EML6: variants seen among roughly 807,000 people sequenced by gnomAD.
The protein encoded by EML6 is echinoderm microtubule-associated protein-like 6.
In EML6, 154 loss-of-function variants were observed where a neutral mutation model predicts 240.1. The ratio of observed to expected loss-of-function variants is 0.64; its 90% confidence interval spans 0.56 to 0.73. EML6 has a LOEUF of 0.73. Among genes scored for constraint, EML6 ranks in the 30% least tolerant of loss-of-function variants. The probability of loss-of-function intolerance (pLI) is 0.00; values close to 1 mark genes in which losing one functional copy is unlikely to be tolerated. For synonymous variants in EML6, 1,148 were observed against 899.0 expected, an observed-to-expected ratio of 1.28 and a Z score of -4.95; for missense variants, 2,964 against 2,474.6, an observed-to-expected ratio of 1.20 and a Z score of -4.20.
At chr2:54,744,989 G>C (rs1481335028) in intron 2 of EML6, among the ~76,000 whole-genome samples, 1 of 150,668 alleles carries the variant, frequency 6.6e-6, no homozygotes, top group Non-Finnish European at 1.5e-5. Flanking sequence ...TTCCCAGTGA[G>C]GGAGTGAGGG....
chr2:54,870,571 C>T (rs1341432422), intron 15 of EML6, among the ~76,000 whole-genome samples: 1 of 152,202 alleles, frequency 6.6e-6, no homozygotes, highest in Non-Finnish European at 1.5e-5. Flanking sequence ...TAAGGTTTTA[C>T]AAGTAATTGA....
At chr2:54,869,132 C>A (rs372801157) in intron 14 of EML6, 49 bp from the exon 15 acceptor site, 2 of 1,292,514 alleles carry the variant, frequency 1.5e-6, no homozygotes, top group African/African-American at 1.5e-5. Flanking sequence ...CTGCTCCATG[C>A]ATTTGCTGTT....
rs186462959 is a variant in EML6, at chr2:54,737,303, G to C, written c.197+12045G>C. On this transcript the variant is annotated intron_variant, in intron 2 of 41. Transcript: ENST00000356458. ...ATAATAATGCATATGTTTTCTTTTT[G>C]TTTTTGTTTTTTTAAGATGGAGTCT... 3.3e-5 allele frequency among the ~76,000 whole-genome samples: 5 copies of C among 152,152 alleles called. No homozygotes were observed. The East Asian group carries it at 7.7e-4, about 24-fold the overall frequency.
chr2:54,896,661 C>T (rs1672787399), intron 21 of EML6, among the ~76,000 whole-genome samples: 1 of 152,146 alleles, frequency 6.6e-6, no homozygotes, highest in Non-Finnish European at 1.5e-5. Context: ...TCCAAGATTC[C>T]AGTGCAGGAG....
chr2:54,948,945 A>G lies in EML6; in HGVS notation c.4068A>G (p.Lys1356=). ...EKLQKNNITK[K]KKLVEELALD... ...TGCAGAAGAACAATATCACCAAAAA[A>G]AAGAAACTGGTTGAGGTGAGTTAAA... The change falls in exon 29 of 42, where the codon AAA becomes AAG. Residue 1356 remains lysine (K), a synonymous_variant. Transcript: ENST00000356458. 6.4e-7 allele frequency: 1 copy of G among 1,551,068 alleles called. No individual in the cohort carries two copies. Among genetic ancestry groups the G allele is most frequent in the East Asian group, 2.4e-5 (1 of 40,916 alleles).
Position 54,961,184 on chromosome 2 carries a change from G to GTTGTTTTTTTTTTTT in EML6, c.4968+852_4968+853insGTTTTTTTTTTTTTT. On this transcript the variant is annotated intron_variant, in intron 35 of 41. Coordinates refer to ENST00000356458, the MANE Select transcript of EML6 (RefSeq NM_001039753.4). ...GGAGCCTGGAAGTTATCAGGAAGTA[G>GTTGTTTTTTTTTTTT]TTTTTTTTTTTTTTTTTTTGAGACG... 5.5e-3 allele frequency among the ~76,000 whole-genome samples: 306 copies of GTTGTTTTTTTTTTTT among 55,400 alleles called. 124 individuals are homozygous for GTTGTTTTTTTTTTTT. The highest frequency in any genetic ancestry group is 7.7e-3 in the African/African-American group (95 of 12,368). The allele number at this position is 55,400 out of a possible 152,430, so 36.3% of individuals were successfully genotyped here. A position where few individuals can be genotyped will look rare whatever the true frequency, so the allele number is the denominator to read the frequency against.
intron 5 of EML6, among the ~76,000 whole-genome samples, chr2:54,823,917 C>T (rs563717962): frequency 1.7e-5 from 2 of 118,010 alleles, no homozygotes; most frequent in South Asian, 3.0e-4. Flanking sequence ...AGATCACTAC[C>T]TCCTAAATTA....
intron 17 of EML6, among the ~76,000 whole-genome samples, chr2:54,888,719 T>A (rs1406212266): frequency 6.6e-6 from 1 of 152,232 alleles, no homozygotes; most frequent in Non-Finnish European, 1.5e-5. Context: ...TGGTGCTGAA[T>A]AATATCCATT....
At chr2:54,744,182 G>A (rs1245290308) in intron 2 of EML6, among the ~76,000 whole-genome samples, 1 of 152,136 alleles carries the variant, frequency 6.6e-6, no homozygotes, top group Non-Finnish European at 1.5e-5. Context: ...TAGAAATGCA[G>A]CTGTGAGACA....
intron 11 of EML6, among the ~76,000 whole-genome samples, chr2:54,854,799 T>C (rs935481190): frequency 6.6e-6 from 1 of 152,242 alleles, no homozygotes; most frequent in South Asian, 2.1e-4. Context: ...CAGAATTATC[T>C]CAACATGCCC....
At chr2:54,765,778 C>G (rs1668162868) in intron 2 of EML6, among the ~76,000 whole-genome samples, 1 of 152,194 alleles carries the variant, frequency 6.6e-6, no homozygotes, top group Admixed American at 6.5e-5. Context: ...ATGGTACCAT[C>G]TATACCATTA....
chr2:54,787,044 T>C (rs1451872918), intron 2 of EML6, among the ~76,000 whole-genome samples: 3 of 152,156 alleles, frequency 2.0e-5, no homozygotes, highest in Non-Finnish European at 4.4e-5. Context: ...AGGTTCTTTT[T>C]GAAAGATGAG....
At chr2:54,838,834 G>C (rs1182029872) in intron 7 of EML6, among the ~76,000 whole-genome samples, 1 of 152,202 alleles carries the variant, frequency 6.6e-6, no homozygotes, top group Non-Finnish European at 1.5e-5. Flanking sequence ...CACCTCATCT[G>C]TGTGGTGAAA....
Position 54,970,195 on chromosome 2 carries a change from C to T in EML6, c.*100C>T. 5 of 1,159,808 alleles carry T rather than the reference C, an allele frequency of 4.3e-6. No homozygotes were observed. Among genetic ancestry groups the T allele is most frequent in the South Asian group, 3.9e-5 (3 of 76,108 alleles). 71.8% of individuals were successfully genotyped at this position (1,159,808 alleles called of 1,614,324 possible). A position where few individuals can be genotyped will look rare whatever the true frequency, so the allele number is the denominator to read the frequency against. ...CCTTGCCACCAGCCGTTGGGAAATG[C>T]CTACCATGCTGCCCCGGATGCACAA... On this transcript the variant is annotated 3_prime_UTR_variant, in exon 42 of 42. Transcript: ENST00000356458.
chr2:54,960,231 G>T lies in EML6; in HGVS notation c.4865G>T (p.Gly1622Val). The change falls in exon 35 of 42, where the codon GGA becomes GTA. Residue 1622 changes from glycine to valine, a missense_variant. Gly to Val is a moderately radical substitution (Grantham distance 109). Transcript: ENST00000356458. ...TCAATCTTTTTTAGGACCAAAGAAGGAGGTGCTGTAAAATTGTGGGACCAG... is the reference window on the plus strand; with the variant it reads ...TCAATCTTTTTTAGGACCAAAGAAGTAGGTGCTGTAAAATTGTGGGACCAG... ...TGGKERPTKE[G>V]GAVKLWDQEM... 6.4e-7 allele frequency: 1 copy of T among 1,551,206 alleles called. No homozygotes were observed. The highest frequency in any genetic ancestry group is 8.7e-7 in the Non-Finnish European group (1 of 1,146,620).
chr2:54,739,540 T>C (rs949910778), intron 2 of EML6, among the ~76,000 whole-genome samples: 4 of 152,326 alleles, frequency 2.6e-5, no homozygotes, highest in Admixed American at 2.6e-4. Flanking sequence ...ATTTCTTGAG[T>C]GCCTCCTGTG....
chr2:54,926,747 A>C (rs753871161), intron 26 of EML6, among the ~76,000 whole-genome samples: 1 of 152,134 alleles, frequency 6.6e-6, no homozygotes, highest in Non-Finnish European at 1.5e-5. Flanking sequence ...CTGCCTTGTT[A>C]TATCTCTTCA....
chr2:54,848,030 T>C (rs956491123), intron 9 of EML6, among the ~76,000 whole-genome samples: 3 of 150,376 alleles, frequency 2.0e-5, no homozygotes, highest in African/African-American at 7.4e-5. Context: ...CACATCTAAT[T>C]CCAAGGGTTT....
At chr2:54,780,312 A>G (rs1668796241) in intron 2 of EML6, among the ~76,000 whole-genome samples, 1 of 152,244 alleles carries the variant, frequency 6.6e-6, no homozygotes, top group Non-Finnish European at 1.5e-5. Flanking sequence ...ACTAGACTAG[A>G]TTGTTCAAAA....
Sources: allele counts gnomAD v4.1 joint callset (sites outside exome capture counted in the v4.1 genomes callset), GRCh38; gene constraint gnomAD v4.1.1; transcripts MANE v1.5; gene names NCBI Gene and HGNC (gene_info 2026-07-23, HGNC 2026-07-21).